Variants in XCR1 observed in about 807,000 individuals in gnomAD.
XCR1 encodes X-C motif chemokine receptor 1.
For synonymous variants in XCR1, 187 were observed against 188.5 expected (o/e 0.99, Z 0.06); for missense variants, 356 against 424.2 (o/e 0.84, Z 1.41).
chr3:46,029,957 A>G (rs945579002), upstream of XCR1, among the ~76,000 whole-genome samples: 1 of 152,022 alleles, frequency 6.6e-6, no homozygotes, highest in Admixed American at 6.5e-5. Context: ...TCATTTTCAG[A>G]TTGTTCATTG....
At chr3:46,050,661 A>G (rs1325322332) in intron 5 of XCR1, among the ~76,000 whole-genome samples, 3 of 152,210 alleles carry the variant, frequency 2.0e-5, no homozygotes, top group African/African-American at 7.2e-5. Flanking sequence ...ACTGTTAAGC[A>G]TGCCTTGAGG....
intron 5 of XCR1, among the ~76,000 whole-genome samples, chr3:46,053,283 T>C (rs1301571894): frequency 2.0e-5 from 3 of 149,410 alleles, no homozygotes; most frequent in African/African-American, 2.6e-5. Context: ...TGTTCATGAT[T>C]AAGCTGCTGT....
At chr3:46,043,634 G>A (rs1316839179) in intron 5 of XCR1, among the ~76,000 whole-genome samples, 1 of 151,550 alleles carries the variant, frequency 6.6e-6, no homozygotes, top group East Asian at 1.9e-4. Context: ...TGTGATCTCA[G>A]CACTTTTGGA....
chr3:46,074,214 C>CTTTTTTTCTTT (rs1698213126), intron 3 of XCR1, among the ~76,000 whole-genome samples: 1 of 86,638 alleles, frequency 1.2e-5, no homozygotes, highest in Admixed American at 1.3e-4. Context: ...TGAAGGCCAT[C>CTTTTTTTCTTT]TTTTTTTTTT....
intron 5 of XCR1, among the ~76,000 whole-genome samples, chr3:46,033,567 T>C (rs1413471657): frequency 2.0e-4 from 30 of 152,238 alleles, no homozygotes. Context: ...TCTTGATTAC[T>C]GTAACTTTAT....
At chr3:46,036,481 G>A (rs1697433271) in intron 5 of XCR1, among the ~76,000 whole-genome samples, 1 of 152,146 alleles carries the variant, frequency 6.6e-6, no homozygotes, top group African/African-American at 2.4e-5. Flanking sequence ...AAATTGGCTT[G>A]TAAACAAAAC....
At chr3:46,042,555 C>T (rs1260134361) in intron 5 of XCR1, among the ~76,000 whole-genome samples, 1 of 151,856 alleles carries the variant, frequency 6.6e-6, no homozygotes, top group Non-Finnish European at 1.5e-5. Context: ...AATTGAAGGC[C>T]AACAAATTGG....
chr3:46,048,985 G>A (rs7652478), intron 5 of XCR1, among the ~76,000 whole-genome samples: 33,958 of 152,064 alleles, frequency 0.22, 5,221 homozygotes, highest in African/African-American at 0.42. Flanking sequence ...TTTTAAAAGC[G>A]TGACTAGTAT....
intron 5 of XCR1, among the ~76,000 whole-genome samples, chr3:46,034,910 C>T (rs1697394120): frequency 6.6e-6 from 1 of 152,134 alleles, no homozygotes; most frequent in Non-Finnish European, 1.5e-5. Context: ...AATGAGATGC[C>T]AGACCCTTCA....
Position 46,021,482 on chromosome 3 carries a change from C to G in XCR1, c.466G>C (p.Ala156Pro). The G allele has an allele frequency of 6.2e-7, 1 of 1,613,794 alleles. No individual in the cohort carries two copies. Among genetic ancestry groups the G allele is most frequent in the Non-Finnish European group, 8.5e-7 (1 of 1,179,834 alleles). ...TCGAGGATGGAGGACAGGATGCTGG[C>G]TACCCACACAGCCATGGTCACCAGC... ...RVLVTMAVWV[A>P]SILSSILDTI... The change falls in exon 2 of 2, where the codon GCC becomes CCC. Residue 156 changes from alanine to proline, a missense_variant. Coordinates refer to ENST00000309285, the MANE Select transcript of XCR1 (RefSeq NM_001024644.2). The surrounding 1 kb of genome is among the most constrained non-coding windows in gnomAD (Gnocchi z 4.7).
chr3:46,057,408 T>C (rs1697872494), intron 4 of XCR1, among the ~76,000 whole-genome samples: 1 of 152,252 alleles, frequency 6.6e-6, no homozygotes, highest in South Asian at 2.1e-4. Flanking sequence ...GATGAAAAAA[T>C]TGGCGTCTTG....
In XCR1 at chr3:46,018,403, C is replaced by T. The variant is rs1189065828; in HGVS notation, c.*2543G>A. ...TTTTTGCTCCCTGGCTCAGCCTGCC[C>T]TCTGAGTAAAAGTTGAACAAAATGT... On this transcript the variant is annotated 3_prime_UTR_variant, in exon 2 of 2. Coordinates refer to ENST00000309285, the MANE Select transcript of XCR1 (RefSeq NM_001024644.2). 1 of 152,212 alleles carries T rather than the reference C, an allele frequency of 6.6e-6. No individual in the cohort carries two copies. Among genetic ancestry groups the T allele is most frequent in the African/African-American group, 2.4e-5 (1 of 41,416 alleles). The allele number at this position is 152,212 out of a possible 1,614,324, so 9.4% of individuals were successfully genotyped here.
chr3:46,066,590 A>T (rs528168276), intron 4 of XCR1, among the ~76,000 whole-genome samples: 50 of 152,298 alleles, frequency 3.3e-4, no homozygotes, highest in African/African-American at 1.2e-3. Context: ...ACACTAGGTG[A>T]GGCTCCTGGC....
chr3:46,038,665 C>G (rs955460571), intron 5 of XCR1, among the ~76,000 whole-genome samples: 3 of 152,134 alleles, frequency 2.0e-5, no homozygotes, highest in Non-Finnish European at 4.4e-5. Flanking sequence ...TTGCTTACCC[C>G]TGATGATCTT....
upstream of XCR1, chr3:46,027,579 GA>G: frequency 1.4e-5 from 1 of 69,164 alleles, no homozygotes; most frequent in Admixed American, 2.6e-4. Flanking sequence ...GACAGCTAGT[GA>G]GAGAGGAGGA....
chr3:46,082,361 T>C (rs1315997978), intron 1 of XCR1, among the ~76,000 whole-genome samples: 4 of 152,018 alleles, frequency 2.6e-5, no homozygotes, highest in Non-Finnish European at 5.9e-5. Flanking sequence ...TAAAATTGTT[T>C]TGGTAAAATC....
At chr3:46,062,745 G>A (rs1192110280) in intron 4 of XCR1, among the ~76,000 whole-genome samples, 1 of 152,210 alleles carries the variant, frequency 6.6e-6, no homozygotes, top group African/African-American at 2.4e-5. Flanking sequence ...TCCCCAGGAG[G>A]CAACAGGGCC....
At chr3:46,069,585 T>C (rs1468021206) in intron 3 of XCR1, among the ~76,000 whole-genome samples, 6 of 152,210 alleles carry the variant, frequency 3.9e-5, no homozygotes, top group African/African-American at 1.4e-4. Flanking sequence ...ACCAAAGCTT[T>C]ACCATAACAT....
At chr3:46,054,869 T>C (rs977370706) in intron 4 of XCR1, among the ~76,000 whole-genome samples, 11 of 152,158 alleles carry the variant, frequency 7.2e-5, no homozygotes, top group Non-Finnish European at 1.3e-4. Context: ...CATTGCCACC[T>C]GAATAAGAAG....
Sources: gnomAD v4.1 joint callset for allele counts (sites outside exome capture counted in the v4.1 genomes callset) on GRCh38, gnomAD v4.1.1 for gene constraint, Gnocchi (gnomAD v3.1) non-coding constraint, MANE v1.5 for transcripts, NCBI Gene and HGNC (gene_info 2026-07-23, HGNC 2026-07-21) for gene names.